Variants in PEAK1 observed in about 807,000 individuals in gnomAD.
The protein encoded by PEAK1 is pseudopodium enriched atypical kinase 1.
PEAK1 carries 54 observed loss-of-function variants against 124.7 expected under a neutral mutation model. The ratio of observed to expected loss-of-function variants is 0.43; its 90% CI spans 0.35 to 0.54. The LOEUF (loss-of-function observed/expected upper bound fraction) is 0.54, where lower values mean the gene tolerates loss of function less well. PEAK1 is among the 20% of genes least tolerant of loss of function. The pLI is 0.01. For synonymous variants in PEAK1, 719 were observed against 760.0 expected, an observed-to-expected ratio of 0.95 and a Z score of 0.89; for missense variants, 2,046 against 2,134.5, an observed-to-expected ratio of 0.96 and a Z score of 0.82.
intron 6 of PEAK1, among the ~76,000 whole-genome samples, chr15:77,192,417 TC>T (rs2057879855): frequency 6.6e-6 from 1 of 152,212 alleles, no homozygotes; most frequent in African/African-American, 2.4e-5. Context: ...AGGACTGTTC[TC>T]AAGAAAACAG....
At chr15:77,390,040 C>A (rs1428421613) in intron 1 of PEAK1, among the ~76,000 whole-genome samples, 1 of 152,182 alleles carries the variant, frequency 6.6e-6, no homozygotes, top group Admixed American at 6.5e-5. Context: ...CATAACAACC[C>A]TATGAAGTGG....
intron 1 of PEAK1, chr15:77,404,275 T>A: frequency 1.0e-6 from 1 of 985,420 alleles, no homozygotes; most frequent in Non-Finnish European, 1.2e-6. Context: ...CTCTCCAGAA[T>A]ACCTGCAAAG....
intron 6 of PEAK1, among the ~76,000 whole-genome samples, chr15:77,236,944 G>A (rs563841109): frequency 2.4e-4 from 37 of 152,140 alleles, no homozygotes; most frequent in African/African-American, 4.3e-4. Flanking sequence ...CTTCCCCTTC[G>A]CCTTCTGCCA....
At chr15:77,381,252 TAAAG>T in intron 1 of PEAK1, 1 of 980,986 alleles carries the variant, frequency 1.0e-6, no homozygotes, top group Non-Finnish European at 1.2e-6. Flanking sequence ...AATTGATCCT[TAAAG>T]AATACAGCAA....
Position 77,181,292 on chromosome 15 carries a change from C to A in PEAK1, c.635G>T (p.Ser212Ile), listed in dbSNP as rs1256617070. ...KETQGKHVILSGSTEVISNEG... is the reference protein window; with the variant it reads ...KETQGKHVILIGSTEVISNEG... ...ATTACTAATCACTTCTGTGCTCCCA[C>A]TCAGAATAACATGCTTGCCCTGAGT... Residue 212 changes from serine to isoleucine, a missense_variant, in exon 7 of 10, where the codon AGT becomes ATT. Ser to Ile is a moderately radical substitution (Grantham distance 142, BLOSUM62 -2). Transcript: ENST00000682557. 1.2e-6 allele frequency: 2 copies of A among 1,614,126 alleles called. No individual in the cohort carries two copies. The highest frequency in any genetic ancestry group is 1.7e-6 in the Non-Finnish European group (2 of 1,180,026).
At chr15:77,157,307 T>C (rs796634272) in intron 8 of PEAK1, 38 of 152,374 alleles carry the variant, frequency 2.5e-4, no homozygotes, top group African/African-American at 8.7e-4. Flanking sequence ...GTAGTTCATA[T>C]GAATCTTGCT....
At chr15:77,363,056 A>G (rs1419364130) in intron 2 of PEAK1, among the ~76,000 whole-genome samples, 2 of 152,064 alleles carry the variant, frequency 1.3e-5, no homozygotes, top group African/African-American at 4.8e-5. Context: ...GGGTTTCACC[A>G]TGTTGGCCGG....
intron 7 of PEAK1, among the ~76,000 whole-genome samples, chr15:77,170,045 A>C (rs2056399390): frequency 6.6e-6 from 1 of 152,200 alleles, no homozygotes; most frequent in South Asian, 2.1e-4. Flanking sequence ...AAAATTTTTG[A>C]TACCCGATGA....
intron 1 of PEAK1, among the ~76,000 whole-genome samples, chr15:77,390,500 C>A (rs1348755889): frequency 1.3e-5 from 2 of 152,194 alleles, no homozygotes; most frequent in African/African-American, 2.4e-5. Context: ...CTTCCATGGG[C>A]ACAGGTAGGC....
At chr15:77,318,454 T>C (rs2065007366) in intron 2 of PEAK1, among the ~76,000 whole-genome samples, 1 of 152,048 alleles carries the variant, frequency 6.6e-6, no homozygotes, top group Non-Finnish European at 1.5e-5. Context: ...TCATAAATGT[T>C]TGAAACACAC....
chr15:77,101,131 C>T (rs940344198), exon 7 of PEAK1: 2 of 152,282 alleles, frequency 1.3e-5, no homozygotes. Context: ...CAGTTTACCA[C>T]TGTGCCTGAC....
chr15:77,202,823 G>A (rs1361983972), intron 6 of PEAK1, among the ~76,000 whole-genome samples: 2 of 151,720 alleles, frequency 1.3e-5, no homozygotes, highest in African/African-American at 2.4e-5. Flanking sequence ...GACTGCTTGA[G>A]CTCAGGAGTT....
chr15:77,348,257 G>C (rs2066993622), intron 2 of PEAK1: 1 of 933,652 alleles, frequency 1.1e-6, no homozygotes, highest in Non-Finnish European at 1.3e-6. Context: ...ACACTAATTA[G>C]CGTACAACAT....
intron 2 of PEAK1, among the ~76,000 whole-genome samples, chr15:77,325,685 T>C (rs905502920): frequency 1.3e-5 from 2 of 152,112 alleles, no homozygotes; most frequent in African/African-American, 4.8e-5. Context: ...CTGAGGTCTT[T>C]GGATTTAGTT....
intron 6 of PEAK1, among the ~76,000 whole-genome samples, chr15:77,242,553 G>A (rs1039950368): frequency 1.3e-5 from 2 of 152,120 alleles, no homozygotes; most frequent in Non-Finnish European, 2.9e-5. Context: ...CTATGAAATC[G>A]CTAACAAAGG....
rs189385290 is a variant in PEAK1 at position 77,299,573 on chromosome 15, G to T, written c.-602-13069C>A. The stretch of plus-strand genomic sequence containing the variant: ...TGTATTTAATCGTCAAGTGTGTCTA[G>T]TCTCTTTAAATCTGGAATAGTTCTA... On this transcript the variant is annotated intron_variant, in intron 2 of 9. Coordinates refer to ENST00000682557, the MANE Select transcript of PEAK1 (RefSeq NM_001385026.1). Among the ~76,000 whole-genome samples the T allele has an allele frequency of 1.5e-3, 223 of 152,238 alleles. 1 individual carries two copies. The highest frequency in any genetic ancestry group is 5.2e-3 in the African/African-American group (217 of 41,540).
At chr15:77,346,124 T>C in intron 2 of PEAK1, 1 of 985,408 alleles carries the variant, frequency 1.0e-6, no homozygotes, top group Non-Finnish European at 1.2e-6. Context: ...GAGTCAAAGC[T>C]ATATTTTATA....
At chr15:77,242,585 T>TA (rs1250251330) in intron 6 of PEAK1, among the ~76,000 whole-genome samples, 1 of 152,158 alleles carries the variant, frequency 6.6e-6, no homozygotes, top group Non-Finnish European at 1.5e-5. Context: ...GATAAAGTAT[T>TA]AGAGTTAAGA....
At chr15:77,283,482 C>T (rs2062771950) in intron 5 of PEAK1, among the ~76,000 whole-genome samples, 1 of 151,946 alleles carries the variant, frequency 6.6e-6, no homozygotes, top group Non-Finnish European at 1.5e-5. Flanking sequence ...AGAAAAACTG[C>T]TCATACCCAC....
Sources: allele counts gnomAD v4.1 joint callset (sites outside exome capture counted in the v4.1 genomes callset), GRCh38; gene constraint gnomAD v4.1.1; transcripts MANE v1.5; gene names NCBI Gene and HGNC (gene_info 2026-07-23, HGNC 2026-07-21).